Variants in HEG1 observed in about 807,000 individuals in gnomAD.
HEG1 encodes the protein protein HEG homolog 1.
A neutral mutation model predicts 125.6 loss-of-function variants in HEG1; 56 were observed. That is an observed-to-expected ratio of 0.45 (90% CI 0.36 to 0.56). The LOEUF (loss-of-function observed/expected upper bound fraction) is 0.56, where lower values mean the gene tolerates loss of function less well. Ranked by LOEUF, HEG1 falls within the 20% of genes least tolerant of loss-of-function variation. The pLI is 0.00. For missense variants in HEG1, 1,523 were observed against 1,670.0 expected, an observed-to-expected ratio of 0.91 and a Z score of 1.53; for synonymous variants, 644 against 668.5, an observed-to-expected ratio of 0.96 and a Z score of 0.57.
At chr3:124,985,848 G>C (rs1181183812) in intron 14 of HEG1, among the ~76,000 whole-genome samples, 1 of 152,224 alleles carries the variant, frequency 6.6e-6, no homozygotes, top group Non-Finnish European at 1.5e-5. Flanking sequence ...TGCGATCTCG[G>C]CTTACTGTAG....
intron 1 of HEG1, among the ~76,000 whole-genome samples, chr3:125,043,041 G>C (rs1395532577): frequency 6.6e-6 from 1 of 152,228 alleles, no homozygotes; most frequent in Admixed American, 6.5e-5. Context: ...CCTTGTTCTT[G>C]CTCTGAAAGA....
At chr3:124,990,863 C>T (rs757841383) in intron 13 of HEG1, 39 bp from the exon 14 acceptor site, 4 of 1,556,818 alleles carry the variant, frequency 2.6e-6, no homozygotes, top group Non-Finnish European at 3.5e-6. Flanking sequence ...GAATTAGTTT[C>T]CAATCTCAAA....
intron 16 of HEG1, chr3:124,972,179 G>C (rs1936460322): frequency 6.6e-6 from 1 of 152,192 alleles, no homozygotes; most frequent in African/African-American, 2.4e-5. Context: ...TAATACCATG[G>C]AAACATGCAG....
chr3:124,970,753 C>T lies in HEG1; in HGVS notation c.4045G>A (p.Ala1349Thr). ...PELERNGLYP[A>T]YTGLPGSRHS... is the part of the protein sequence containing the mutation. The stretch of plus-strand genomic sequence containing the variant: ...CGTGATCCTGGCAGTCCAGTGTAGG[C>T]CGGGTAGAGTCCGTTTCGTTCAAGT... Residue 1349 changes from alanine to threonine, a missense_variant, in exon 17 of 17, where the codon GCC (alanine) becomes ACC (threonine). By Grantham distance (58) the Ala-to-Thr change is moderately conservative. Transcript: ENST00000311127. The T allele has an allele frequency of 6.2e-7, 1 of 1,610,062 alleles. No homozygotes were observed. Among genetic ancestry groups the T allele is most frequent in the East Asian group, 2.2e-5 (1 of 44,766 alleles).
chr3:124,987,950 C>CATATAT (rs1220849175), intron 14 of HEG1, among the ~76,000 whole-genome samples: 5 of 84,002 alleles, frequency 6.0e-5, no homozygotes, highest in African/African-American at 1.4e-4. Flanking sequence ...CACACACACA[C>CATATAT]ACATATATAT....
At chr3:124,992,351 A>T (rs1019909637) in intron 12 of HEG1, among the ~76,000 whole-genome samples, 8 of 152,246 alleles carry the variant, frequency 5.3e-5, no homozygotes, top group Non-Finnish European at 1.5e-5. Context: ...CACAACAATA[A>T]GATGACAGAA....
chr3:124,986,832 C>T (rs1475400451), intron 14 of HEG1, among the ~76,000 whole-genome samples: 1 of 152,138 alleles, frequency 6.6e-6, no homozygotes, highest in Non-Finnish European at 1.5e-5. Flanking sequence ...TTGACTTTTT[C>T]CTAACATAAG....
At chr3:124,998,546 G>A (rs372070127) in intron 11 of HEG1, among the ~76,000 whole-genome samples, 5 of 152,322 alleles carry the variant, frequency 3.3e-5, no homozygotes, top group African/African-American at 1.2e-4. Flanking sequence ...ACACATGGCC[G>A]CCTGTCACTG....
intron 2 of HEG1, among the ~76,000 whole-genome samples, chr3:125,027,759 C>A (rs1937439877): frequency 6.6e-6 from 1 of 152,114 alleles, no homozygotes; most frequent in Admixed American, 6.5e-5. Flanking sequence ...AAGTATCAGA[C>A]AATATGGAAT....
intron 12 of HEG1, among the ~76,000 whole-genome samples, chr3:124,997,327 C>G (rs1037515535): frequency 1.3e-5 from 2 of 152,136 alleles, no homozygotes; most frequent in Non-Finnish European, 2.9e-5. Flanking sequence ...CCTGACCCCA[C>G]GCTTGTACTT....
At chr3:125,015,461 G>T (rs547701798) in intron 5 of HEG1, among the ~76,000 whole-genome samples, 1 of 152,328 alleles carries the variant, frequency 6.6e-6, no homozygotes, top group Non-Finnish European at 1.5e-5. Flanking sequence ...TACATGAATG[G>T]CCACAAGGCC....
chr3:125,045,779 T>C (rs1338348884), intron 1 of HEG1, among the ~76,000 whole-genome samples: 1 of 152,216 alleles, frequency 6.6e-6, no homozygotes, highest in Non-Finnish European at 1.5e-5. Flanking sequence ...AGCACATGCA[T>C]GTTTACAAAG....
Position 125,054,910 on chromosome 3 carries a change from G to A in HEG1, c.316+665C>T, listed in dbSNP as rs116269534. ...GGACACAAAGGTAGCAGGGAGAAGAGGTCAGTTCCTTCTCTCTGCGTGGGA... is the reference window on the plus strand; with the variant it reads ...GGACACAAAGGTAGCAGGGAGAAGAAGTCAGTTCCTTCTCTCTGCGTGGGA... On this transcript the variant is annotated intron_variant, in intron 1 of 16. Coordinates refer to ENST00000311127, the MANE Select transcript of HEG1 (RefSeq NM_020733.2). Among the ~76,000 whole-genome samples the A allele has an allele frequency of 3.6e-3, 545 of 152,302 alleles. 4 individuals are homozygous for A. Among genetic ancestry groups the A allele is most frequent in the African/African-American group, 0.013 (525 of 41,556 alleles).
At chr3:125,024,580 A>G (rs1937388666) in intron 3 of HEG1, among the ~76,000 whole-genome samples, 1 of 152,258 alleles carries the variant, frequency 6.6e-6, no homozygotes, top group African/African-American at 2.4e-5. Flanking sequence ...CAAGAAAAAC[A>G]ATTTCCAATG....
chr3:125,004,670 T>C (rs1424826787), intron 9 of HEG1, among the ~76,000 whole-genome samples: 1 of 152,000 alleles, frequency 6.6e-6, no homozygotes, highest in Non-Finnish European at 1.5e-5. Flanking sequence ...TTGTCTTTTT[T>C]GTAGAGACAG....
In HEG1 at chr3:125,012,565, G is replaced by C. The variant is rs148474116; in HGVS notation, c.2956+58C>G. 70 of 1,491,360 alleles carry C rather than the reference G, an allele frequency of 4.7e-5. No individual in the cohort carries two copies. The African/African-American group carries it at 8.9e-4, about 19-fold the overall frequency. The allele number at this position is 1,491,360 out of a possible 1,614,324, so 92.4% of individuals were successfully genotyped here. On this transcript the variant is annotated intron_variant, in intron 6 of 16. Transcript: ENST00000311127. ...TCACATGAACCCCGAGCCCCATGTAGCTCTCAGTGCTGGACTGGGCCTTGC... is the reference window on the plus strand; with the variant it reads ...TCACATGAACCCCGAGCCCCATGTACCTCTCAGTGCTGGACTGGGCCTTGC...
At chr3:125,026,693 C>A (rs1937420616) in intron 3 of HEG1, among the ~76,000 whole-genome samples, 1 of 152,160 alleles carries the variant, frequency 6.6e-6, no homozygotes, top group African/African-American at 2.4e-5. Context: ...AAGGTAAGGT[C>A]TCTTGTTTGA....
chr3:124,974,406 G>A (rs1936499063), intron 15 of HEG1, among the ~76,000 whole-genome samples: 1 of 152,142 alleles, frequency 6.6e-6, no homozygotes, highest in African/African-American at 2.4e-5. Flanking sequence ...CTCCAACTCA[G>A]TAAAGAGACC....
In HEG1 at chr3:125,013,257, T is replaced by C. The variant is rs755442219; in HGVS notation, c.2322A>G (p.Gln774=). 3 of 1,614,044 alleles carry C rather than the reference T, an allele frequency of 1.9e-6. No homozygotes were observed. Among genetic ancestry groups the C allele is most frequent in the Admixed American group, 1.7e-5 (1 of 60,024 alleles). ...TSFMTMLHSS[Q]TADLKSQSTP... ...TGCTCTGGCTCTTAAGGTCTGCAGT[T>C]TGACTACTATGGAGCATTGTCATGA... is the stretch of plus-strand genomic sequence containing the variant. The change falls in exon 6 of 17, where the codon CAA becomes CAG. Residue 774 remains glutamine (Q), a synonymous_variant. Coordinates refer to ENST00000311127, the MANE Select transcript of HEG1 (RefSeq NM_020733.2).
Sources: gnomAD v4.1 joint callset for allele counts (sites outside exome capture counted in the v4.1 genomes callset) on GRCh38, gnomAD v4.1.1 for gene constraint, MANE v1.5 for transcripts, NCBI Gene and HGNC (gene_info 2026-07-23, HGNC 2026-07-21) for gene names.